OGN: variants seen among roughly 807,000 people sequenced by gnomAD.
OGN encodes the protein mimecan.
In OGN, 19 loss-of-function variants were observed where a neutral mutation model predicts 30.8. That is an observed-to-expected ratio of 0.62 (90% confidence interval 0.43 to 0.90). OGN has a LOEUF of 0.90. Ranked by LOEUF, OGN falls within the 40% of genes least tolerant of loss-of-function variation. The pLI is 0.00. For synonymous variants in OGN, 126 were observed against 128.3 expected (o/e 0.98, Z 0.12); for missense variants, 283 against 349.7 (o/e 0.81, Z 1.52).
intron 3 of OGN, 68 bp from the exon 4 acceptor site, chr9:92,393,312 AT>A: frequency 8.3e-7 from 1 of 1,203,772 alleles, no homozygotes; most frequent in Non-Finnish European, 1.2e-6. Flanking sequence ...TAGTAGTAAA[AT>A]TATTGCTATT....
intron 3 of OGN, among the ~76,000 whole-genome samples, chr9:92,398,224 T>G (rs1356481106): frequency 6.6e-6 from 1 of 152,230 alleles, no homozygotes; most frequent in Non-Finnish European, 1.5e-5. Context: ...GAGTTTTTTC[T>G]TCCTTTGCTG....
At chr9:92,392,931 A>G (rs1476535029) in intron 4 of OGN, among the ~76,000 whole-genome samples, 155 bp downstream of exon 4, 1 of 152,248 alleles carries the variant, frequency 6.6e-6, no homozygotes, top group Non-Finnish European at 1.5e-5. Context: ...TGATTCACCA[A>G]CAAATGAATG....
intron 4 of OGN, 37 bp downstream of exon 4, chr9:92,393,049 C>T (rs777003538): frequency 1.0e-5 from 16 of 1,549,320 alleles, no homozygotes; most frequent in African/African-American, 1.4e-5. Context: ...AATACTAATA[C>T]GAGTTAATAC....
chr9:92,390,563 AGTGTGT>A lies in OGN; in HGVS notation c.428-513_428-508del, dbSNP rs61628295. On this transcript the variant is annotated intron_variant, in intron 4 of 6. Transcript: ENST00000375561. Reference sequence around the variant, plus strand: ...GTGACACAGATTGAGAGAGAAATTCAGTGTGTGTGTGTGTGTGTGTGTGTGCGCGCG... The same window carrying A: ...GTGACACAGATTGAGAGAGAAATTCAGTGTGTGTGTGTGTGTGTGCGCGCG... 1.6e-3 allele frequency among the ~76,000 whole-genome samples: 242 copies of A among 150,490 alleles called. 2 individuals carry two copies. The East Asian group carries it at 0.017, about 11-fold the overall frequency.
At chr9:92,390,587 T>TGTGTGTGTGTGTGTGTGCGCGC (rs749697394) in intron 4 of OGN, among the ~76,000 whole-genome samples, 14 of 141,812 alleles carry the variant, frequency 9.9e-5, no homozygotes, top group South Asian at 2.3e-4. Flanking sequence ...TGTGTGTGTG[T>TGTGTGTGTGTGTGTGTGCGCGC]GCGCGCGCGC....
chr9:92,396,505 GTCT>G (rs927081543), intron 3 of OGN, among the ~76,000 whole-genome samples: 1 of 151,800 alleles, frequency 6.6e-6, no homozygotes, highest in Non-Finnish European at 1.5e-5. Context: ...TTATATATAG[GTCT>G]TCTTTATTTT....
At chr9:92,385,811 CATT>C in intron 6 of OGN, 21 bp from the exon 7 acceptor site, 1 of 1,613,110 alleles carries the variant, frequency 6.2e-7, no homozygotes, top group South Asian at 1.1e-5. Flanking sequence ...ACGAGGAAAA[CATT>C]GTTCAGAAAT....
intron 4 of OGN, 45 bp downstream of exon 4, chr9:92,393,041 T>C (rs776035461): frequency 5.3e-6 from 8 of 1,521,808 alleles, no homozygotes; most frequent in Non-Finnish European, 6.3e-6. Context: ...ATGAGTTAAA[T>C]ACTAATACGA....
At chr9:92,398,037 C>G (rs909848630) in intron 3 of OGN, among the ~76,000 whole-genome samples, 5 of 151,752 alleles carry the variant, frequency 3.3e-5, no homozygotes, top group African/African-American at 9.7e-5. Context: ...GAACCTGGCT[C>G]TCATTATTTA....
At chr9:92,396,033 T>G (rs1169829462) in intron 3 of OGN, among the ~76,000 whole-genome samples, 1 of 152,182 alleles carries the variant, frequency 6.6e-6, no homozygotes, top group Non-Finnish European at 1.5e-5. Flanking sequence ...GGCTAATTTT[T>G]ATATATGGTG....
chr9:92,400,192 C>G (rs1441174735), intron 3 of OGN, among the ~76,000 whole-genome samples: 4 of 152,122 alleles, frequency 2.6e-5, no homozygotes, highest in African/African-American at 9.7e-5. Context: ...GCTCTGCCGC[C>G]TAGGCTGGAG....
In OGN at chr9:92,401,141, T is replaced by C; in HGVS notation, c.219A>G (p.Leu73=). 1 of 1,562,842 alleles carries C rather than the reference T, an allele frequency of 6.4e-7. No homozygotes were observed. The highest frequency in any genetic ancestry group is 8.8e-7 in the Non-Finnish European group (1 of 1,134,850). The part of the protein sequence containing the change: ...VIIPNEKSLQ[L]QKDEAITPLP... ...ATGGTGTTATTGCCTCATCTTTTTG[T>C]AATTGAAGACTTTTCTCATTGGGTA... Residue 73 remains leucine, a synonymous_variant, in exon 3 of 7, where the codon TTA becomes TTG. Transcript: ENST00000375561.
chr9:92,393,061 A>G, intron 4 of OGN, 25 bp downstream of exon 4: 1 of 1,592,682 alleles, frequency 6.3e-7, no homozygotes, highest in Non-Finnish European at 8.6e-7. Context: ...AGTTAATACT[A>G]ATATCATATT....
chr9:92,396,381 A>G (rs1842891211), intron 3 of OGN, among the ~76,000 whole-genome samples: 1 of 150,696 alleles, frequency 6.6e-6, no homozygotes, highest in Non-Finnish European at 1.5e-5. Context: ...TAATTAAACA[A>G]AAAAAAAACC....
chr9:92,383,660 T>G lies in OGN; in HGVS notation c.*1960A>C, dbSNP rs933180120. ...TTGTTTTATTTGTGATTTAAGGTTG[T>G]GTATATGAAGGTGTAAGGTATGCAT... On this transcript the variant is annotated 3_prime_UTR_variant, in exon 7 of 7. Coordinates refer to ENST00000375561, the MANE Select transcript of OGN (RefSeq NM_014057.5). Among the ~76,000 whole-genome samples, 2 of 152,164 alleles carry G rather than the reference T, an allele frequency of 1.3e-5. No homozygotes were observed. The highest frequency in any genetic ancestry group is 4.8e-5 in the African/African-American group (2 of 41,462).
rs748344747 is a variant in OGN at position 92,393,138 on chromosome 9, G to A, written c.375C>T (p.Tyr125=). 31 of 1,613,598 alleles carry A rather than the reference G, an allele frequency of 1.9e-5. No homozygotes were observed. Among genetic ancestry groups the A allele is most frequent in the African/African-American group, 1.7e-4 (13 of 74,892 alleles). The change falls in exon 4 of 7, where the codon TAC becomes TAT. Residue 125 remains tyrosine, a synonymous_variant. Transcript: ENST00000375561. ...GCTTTTTAATTTTGTTGAATCGTGC[G>A]TAAAGATAGGCTGATTCCTTTGGTA... is the stretch of plus-strand genomic sequence containing the variant. ...PPLPKESAYL[Y]ARFNKIKKLT...
At chr9:92,386,050 A>T (rs1196359348) in intron 6 of OGN, 151 bp downstream of exon 6, 2 of 665,552 alleles carry the variant, frequency 3.0e-6, no homozygotes, top group African/African-American at 3.6e-5. Context: ...TGAGCCTAGT[A>T]TTAATCTTTT....
At chr9:92,393,663 T>A (rs886315415) in intron 3 of OGN, among the ~76,000 whole-genome samples, 3 of 152,178 alleles carry the variant, frequency 2.0e-5, no homozygotes, top group African/African-American at 7.2e-5. Context: ...ATTAGAGTAA[T>A]CGTAGGCACT....
At chr9:92,395,007 G>A (rs549963070) in intron 3 of OGN, among the ~76,000 whole-genome samples, 15 of 152,192 alleles carry the variant, frequency 9.9e-5, no homozygotes, top group Non-Finnish European at 1.6e-4. Flanking sequence ...CACAGATTAG[G>A]CCCTTTCAAG....
Sources: allele counts gnomAD v4.1 joint callset (sites outside exome capture counted in the v4.1 genomes callset), GRCh38; gene constraint gnomAD v4.1.1; transcripts MANE v1.5; gene names NCBI Gene and HGNC (gene_info 2026-07-23, HGNC 2026-07-21).